The following ARHGAP15 variants were observed in gnomAD, a reference collection of about 807,000 sequenced individuals.
ARHGAP15 encodes Rho GTPase activating protein 15.
ARHGAP15 carries 51 observed loss-of-function variants against 63.7 expected under a neutral mutation model. The ratio of observed to expected loss-of-function variants is 0.80; its 90% CI spans 0.64 to 1.01. The LOEUF is 1.01. ARHGAP15 is among the 50% of genes least tolerant of loss of function. The pLI is 0.00. For missense variants in ARHGAP15, 560 were observed against 564.6 expected, an observed-to-expected ratio of 0.99 and a Z score of 0.08; for synonymous variants, 191 against 193.8, an observed-to-expected ratio of 0.99 and a Z score of 0.12.
At chr2:143,469,287 A>G (rs1319036746) in intron 8 of ARHGAP15, among the ~76,000 whole-genome samples, 1 of 152,240 alleles carries the variant, frequency 6.6e-6, no homozygotes, top group Non-Finnish European at 1.5e-5. Flanking sequence ...GCATGCTAGA[A>G]TAAAGCAGCG....
chr2:143,726,424 C>G (rs1486691252), intron 13 of ARHGAP15, among the ~76,000 whole-genome samples: 1 of 143,278 alleles, frequency 7.0e-6, no homozygotes, highest in African/African-American at 2.6e-5. Context: ...AAAAAACAAC[C>G]AAAAAAAAAA....
intron 6 of ARHGAP15, among the ~76,000 whole-genome samples, chr2:143,308,730 C>G (rs1200000156): frequency 1.3e-5 from 2 of 151,450 alleles, no homozygotes; most frequent in Non-Finnish European, 2.9e-5. Context: ...GTTTAAAGAC[C>G]ATTATAATGT....
rs1387148597 is a variant in ARHGAP15, at chr2:143,312,320, G to T, written c.474+61720G>T. ...AATAGTTCTCTGATCCATCTGAGAA[G>T]TAGCACTGAAGAATTAGTCCTCATT... On this transcript the variant is annotated intron_variant, in intron 6 of 13. Transcript: ENST00000295095. Among the ~76,000 whole-genome samples, 4 of 152,162 alleles carry T rather than the reference G, an allele frequency of 2.6e-5. No individual in the cohort carries two copies. In the East Asian group the frequency reaches 7.7e-4, roughly 29 times the overall value.
intron 9 of ARHGAP15, among the ~76,000 whole-genome samples, chr2:143,493,404 G>A (rs1692673265): frequency 6.6e-6 from 1 of 152,042 alleles, no homozygotes; most frequent in Admixed American, 6.6e-5. Context: ...CATATCCATG[G>A]GTGGCATGCT....
chr2:143,340,032 C>G (rs1284227622), intron 6 of ARHGAP15, among the ~76,000 whole-genome samples: 2 of 152,086 alleles, frequency 1.3e-5, no homozygotes, highest in Admixed American at 6.6e-5. Context: ...TTCTTTCTTT[C>G]TCTTTGAAAA....
chr2:143,473,762 T>C (rs920662340), intron 8 of ARHGAP15, among the ~76,000 whole-genome samples: 2 of 152,198 alleles, frequency 1.3e-5, no homozygotes, highest in African/African-American at 4.8e-5. Context: ...TTCCTTTCGA[T>C]TTTAAACCTA....
chr2:143,493,712 C>T (rs1441224236), intron 9 of ARHGAP15, among the ~76,000 whole-genome samples: 1 of 152,206 alleles, frequency 6.6e-6, no homozygotes, highest in African/African-American at 2.4e-5. Context: ...TGGTTGCTCT[C>T]CAGCTGATTG....
chr2:143,577,478 T>A (rs1696720636), intron 11 of ARHGAP15, among the ~76,000 whole-genome samples: 1 of 151,958 alleles, frequency 6.6e-6, no homozygotes, highest in South Asian at 2.1e-4. Context: ...AATCAGGAAA[T>A]GATGCAGCTT....
chr2:143,682,302 ATTT>A (rs34391519), intron 12 of ARHGAP15, among the ~76,000 whole-genome samples: 1 of 150,648 alleles, frequency 6.6e-6, no homozygotes, highest in Admixed American at 6.6e-5. Context: ...AAATAAGGAG[ATTT>A]TTTTTTTTCC....
chr2:143,350,149 A>C (rs1345852900), intron 6 of ARHGAP15, among the ~76,000 whole-genome samples: 1 of 152,188 alleles, frequency 6.6e-6, no homozygotes, highest in East Asian at 1.9e-4. Context: ...TTTTTGGACT[A>C]TCTTCCCTCA....
chr2:143,521,935 T>C (rs1417231501), intron 10 of ARHGAP15: 2 of 152,156 alleles, frequency 1.3e-5, no homozygotes, highest in East Asian at 3.9e-4. Flanking sequence ...CATTCATTTA[T>C]CCATCCAGTC....
chr2:143,184,272 G>A (rs575330689), intron 2 of ARHGAP15, among the ~76,000 whole-genome samples: 23 of 152,282 alleles, frequency 1.5e-4, no homozygotes, highest in Admixed American at 7.8e-4. Context: ...AACAAAATTG[G>A]ACAGTGCTGC....
chr2:143,264,475 A>G (rs1484917255), intron 6 of ARHGAP15, among the ~76,000 whole-genome samples: 2 of 152,164 alleles, frequency 1.3e-5, no homozygotes, highest in Non-Finnish European at 2.9e-5. Context: ...CCCAAGAGTC[A>G]AGGAGCTCAC....
At chr2:143,643,368 G>A (rs950596983) in intron 12 of ARHGAP15, among the ~76,000 whole-genome samples, 6 of 151,874 alleles carry the variant, frequency 4.0e-5, no homozygotes, top group Non-Finnish European at 7.4e-5. Flanking sequence ...TTATGTACAT[G>A]TGAATCTGTG....
At chr2:143,487,756 A>T (rs542824282) in intron 9 of ARHGAP15, among the ~76,000 whole-genome samples, 38 of 152,240 alleles carry the variant, frequency 2.5e-4, no homozygotes, top group Admixed American at 2.3e-3. Flanking sequence ...GGAACAGAGA[A>T]AGGATATCCT....
intron 12 of ARHGAP15, among the ~76,000 whole-genome samples, chr2:143,694,391 C>T (rs532405260): frequency 6.6e-6 from 1 of 152,250 alleles, no homozygotes; most frequent in Non-Finnish European, 1.5e-5. Flanking sequence ...ATGTAGGACC[C>T]ATGTGGTAAA....
At chr2:143,695,065 G>A (rs1683781936) in intron 12 of ARHGAP15, among the ~76,000 whole-genome samples, 1 of 152,042 alleles carries the variant, frequency 6.6e-6, no homozygotes, top group Non-Finnish European at 1.5e-5. Context: ...AATGCTTAAT[G>A]TAAATAGCTA....
At chr2:143,295,270 C>T (rs1211747942) in intron 6 of ARHGAP15, among the ~76,000 whole-genome samples, 1 of 152,044 alleles carries the variant, frequency 6.6e-6, no homozygotes, top group Non-Finnish European at 1.5e-5. Flanking sequence ...GCTTAAGTTA[C>T]ACAGTTTGTA....
chr2:143,204,317 C>A (rs1422159157), intron 3 of ARHGAP15, among the ~76,000 whole-genome samples: 2 of 152,100 alleles, frequency 1.3e-5, no homozygotes, highest in South Asian at 2.1e-4. Context: ...ATACCACAAA[C>A]AAGGCGGCTT....
Sources: gnomAD v4.1 joint callset for allele counts (sites outside exome capture counted in the v4.1 genomes callset) on GRCh38, gnomAD v4.1.1 for gene constraint, MANE v1.5 for transcripts, NCBI Gene and HGNC (gene_info 2026-07-23, HGNC 2026-07-21) for gene names.